Variants in CSMD1 observed in about 807,000 individuals in gnomAD.
CSMD1 encodes the protein CUB and sushi domain-containing protein 1.
CSMD1 carries 213 observed loss-of-function variants against 417.5 expected under a neutral mutation model. The ratio of observed to expected loss-of-function variants is 0.51; its 90% confidence interval spans 0.46 to 0.57. CSMD1 has a LOEUF of 0.57. Ranked by LOEUF, CSMD1 falls within the 20% of genes least tolerant of loss-of-function variation. The pLI is 0.00. For synonymous variants in CSMD1, 2,862 were observed against 1,736.8 expected (o/e 1.65, Z -16.11); for missense variants, 6,923 against 4,529.7 (o/e 1.53, Z -15.17).
At position 3,879,115 on chromosome 8, in the gene CSMD1, T is replaced by G. The variant is rs1007908226; in HGVS notation, c.818+118788A>C. 4.6e-5 allele frequency among the ~76,000 whole-genome samples: 7 copies of G among 152,178 alleles called. No homozygotes were observed. In the South Asian group the frequency reaches 6.2e-4, roughly 14 times the overall value. On this transcript the variant is annotated intron_variant, in intron 5 of 69. Coordinates refer to ENST00000635120, the MANE Select transcript of CSMD1 (RefSeq NM_033225.6). ...AGCATGTAGTCATCTTCTTGAATCT[T>G]AGGTGTTCAAACAATCATTTTGTTT...
chr8:4,555,547 C>T (rs1423983829), intron 2 of CSMD1, among the ~76,000 whole-genome samples: 1 of 152,148 alleles, frequency 6.6e-6, no homozygotes, highest in African/African-American at 2.4e-5. Context: ...TTCCTTTTTC[C>T]TGTTACAATT....
chr8:4,596,281 A>G (rs1453005911), intron 2 of CSMD1, among the ~76,000 whole-genome samples: 1 of 152,214 alleles, frequency 6.6e-6, no homozygotes, highest in African/African-American at 2.4e-5. Flanking sequence ...GGGAAGCACA[A>G]GGGAGAGATG....
At chr8:4,527,647 T>C (rs1280957863) in intron 2 of CSMD1, among the ~76,000 whole-genome samples, 4 of 152,170 alleles carry the variant, frequency 2.6e-5, no homozygotes, top group Non-Finnish European at 4.4e-5. Context: ...ATAGATAAAA[T>C]TTGAATACTG....
At chr8:3,641,597 G>T (rs893505574) in intron 7 of CSMD1, among the ~76,000 whole-genome samples, 8 of 152,140 alleles carry the variant, frequency 5.3e-5, no homozygotes, top group African/African-American at 1.9e-4. Context: ...TGCTTCTTAT[G>T]TCTCAAGAGG....
At chr8:3,152,486 C>A (rs977495584) in intron 39 of CSMD1, among the ~76,000 whole-genome samples, 2 of 152,186 alleles carry the variant, frequency 1.3e-5, no homozygotes, top group African/African-American at 4.8e-5. Flanking sequence ...CTTTTAGAGG[C>A]CCCCTAGGAC....
chr8:4,259,790 A>G (rs1479392697), intron 3 of CSMD1, among the ~76,000 whole-genome samples: 1 of 152,196 alleles, frequency 6.6e-6, no homozygotes, highest in Non-Finnish European at 1.5e-5. Context: ...TAAAATATTC[A>G]TGTAAATAAT....
chr8:2,943,679 G>C (rs1447121606), intron 68 of CSMD1, among the ~76,000 whole-genome samples: 10 of 152,170 alleles, frequency 6.6e-5, no homozygotes, highest in African/African-American at 1.9e-4. Flanking sequence ...CCTTTATTAA[G>C]CAACTGTTGC....
chr8:3,192,536 C>A (rs1249192738), intron 33 of CSMD1, among the ~76,000 whole-genome samples: 1 of 152,126 alleles, frequency 6.6e-6, no homozygotes, highest in Non-Finnish European at 1.5e-5. Context: ...TCCCATAAAA[C>A]AAGTTGCCCT....
rs1800859040 is a variant in CSMD1, at chr8:4,477,342, T to C, written c.303-57277A>G. 3.3e-5 allele frequency among the ~76,000 whole-genome samples: 5 copies of C among 152,174 alleles called. No individual in the cohort carries two copies. The South Asian group carries it at 1.0e-3, about 32-fold the overall frequency. Reference sequence around the variant, plus strand: ...GCGTTGGTGCTGGAAGGAGTTAGGCTGTCATGGCAGCCGAGGGGCTCTCCA... The same window carrying C: ...GCGTTGGTGCTGGAAGGAGTTAGGCCGTCATGGCAGCCGAGGGGCTCTCCA... On this transcript the variant is annotated intron_variant, in intron 2 of 69. Transcript: ENST00000635120.
chr8:3,685,144 T>C (rs973974836), intron 7 of CSMD1, among the ~76,000 whole-genome samples: 1 of 152,164 alleles, frequency 6.6e-6, no homozygotes, highest in African/African-American at 2.4e-5. Flanking sequence ...TGTTTTGATG[T>C]CATCATTTCA....
chr8:4,600,108 G>C (rs1282859185), intron 2 of CSMD1, among the ~76,000 whole-genome samples: 2 of 152,148 alleles, frequency 1.3e-5, no homozygotes, highest in African/African-American at 4.8e-5. Flanking sequence ...GGCAGTCTAG[G>C]TCGGGCTGAC....
intron 1 of CSMD1, among the ~76,000 whole-genome samples, chr8:4,763,578 C>T (rs139468849): frequency 7.5e-4 from 114 of 152,224 alleles, no homozygotes; most frequent in African/African-American, 2.6e-3. Flanking sequence ...TTACTTGCTG[C>T]GTATTTTCTG....
At position 4,211,777 on chromosome 8, in the gene CSMD1, C is replaced by T. The variant is rs562766121; in HGVS notation, c.416-179678G>A. Among the ~76,000 whole-genome samples the T allele has an allele frequency of 5.3e-4, 81 of 152,302 alleles. 1 individual carries two copies. In the South Asian group the frequency reaches 0.012, roughly 23 times the overall value. Reference sequence around the variant, plus strand: ...GTCAACCTCCTTCACAAACTATTTTCTTCAAACTGTTTTTACATACTTCTG... The same window carrying T: ...GTCAACCTCCTTCACAAACTATTTTTTTCAAACTGTTTTTACATACTTCTG... On this transcript the variant is annotated intron_variant, in intron 3 of 69. Transcript: ENST00000635120.
chr8:3,237,745 T>C (rs1799242733), intron 26 of CSMD1, among the ~76,000 whole-genome samples: 1 of 129,102 alleles, frequency 7.7e-6, no homozygotes, highest in African/African-American at 2.7e-5. Flanking sequence ...ATTTTTATAA[T>C]TATACTTATA....
chr8:3,108,179 C>T (rs188851713), intron 44 of CSMD1, among the ~76,000 whole-genome samples: 1 of 152,110 alleles, frequency 6.6e-6, no homozygotes, highest in African/African-American at 2.4e-5. Context: ...TGGCAGTGTT[C>T]GTGAGAGATA....
chr8:3,838,967 T>TA (rs530071111), intron 5 of CSMD1, among the ~76,000 whole-genome samples: 88 of 99,934 alleles, frequency 8.8e-4, no homozygotes, highest in African/African-American at 3.9e-3. Context: ...TAAATTAATA[T>TA]TATATATAAT....
intron 10 of CSMD1, among the ~76,000 whole-genome samples, chr8:3,555,491 G>C (rs748493503): frequency 6.6e-6 from 1 of 152,154 alleles, no homozygotes; most frequent in African/African-American, 2.4e-5. Context: ...ATGCTGACAG[G>C]TTTAAATTCT....
Position 2,978,603 on chromosome 8 carries a change from C to T in CSMD1, c.8566+9G>A. ...CTCTGCACAGAAATTGGGAATAACC[C>T]TGACTTACCCAAACACTTGGGCAGG... On this transcript the variant is annotated intron_variant, in intron 55 of 69. Transcript: ENST00000635120. 6.4e-7 allele frequency: 1 copy of T among 1,573,062 alleles called. No individual in the cohort carries two copies. The highest frequency in any genetic ancestry group is 8.6e-7 in the Non-Finnish European group (1 of 1,158,818).
intron 10 of CSMD1, among the ~76,000 whole-genome samples, chr8:3,558,698 C>A (rs1040869805): frequency 1.3e-5 from 2 of 151,116 alleles, no homozygotes; most frequent in Admixed American, 1.3e-4. Flanking sequence ...GTGTCCACTC[C>A]CGCAATGATG....
Sources: allele counts gnomAD v4.1 joint callset (sites outside exome capture counted in the v4.1 genomes callset), GRCh38; gene constraint gnomAD v4.1.1; transcripts MANE v1.5; gene names NCBI Gene and HGNC (gene_info 2026-07-23, HGNC 2026-07-21).